ASIC2: variants seen among roughly 807,000 people sequenced by gnomAD.
ASIC2 encodes acid-sensing ion channel 2.
A neutral mutation model predicts 57.3 loss-of-function variants in ASIC2; 25 were observed. That is an observed-to-expected ratio of 0.44 (90% CI 0.32 to 0.61). ASIC2 has a LOEUF of 0.61. ASIC2 is among the 20% of genes least tolerant of loss of function. The probability of loss-of-function intolerance (pLI) is 0.06; values close to 1 mark genes in which losing one functional copy is unlikely to be tolerated. For synonymous variants in ASIC2, 319 were observed against 307.5 expected (o/e 1.04, Z -0.39); for missense variants, 641 against 738.1 (o/e 0.87, Z 1.52).
chr17:33,196,405 C>T (rs1034900626), intron 1 of ASIC2, among the ~76,000 whole-genome samples: 14 of 152,172 alleles, frequency 9.2e-5, no homozygotes, highest in African/African-American at 3.4e-4. Flanking sequence ...CCTCCTTCGG[C>T]CACCAAGAAG....
At chr17:33,281,382 A>C (rs1005974960) in intron 1 of ASIC2, among the ~76,000 whole-genome samples, 1 of 152,224 alleles carries the variant, frequency 6.6e-6, no homozygotes. Context: ...AGGATGATGA[A>C]GATAATAGTG....
chr17:33,971,165 G>A lies in ASIC2; in HGVS notation c.555+184813C>T, dbSNP rs183689811. On this transcript the variant is annotated intron_variant, in intron 1 of 9. Transcript: ENST00000359872. ...TGATTCACAGCCAAATACAGAAGCCGGCTGAGCACAGAATCCAAAGACAGT... is the reference window on the plus strand; with the variant it reads ...TGATTCACAGCCAAATACAGAAGCCAGCTGAGCACAGAATCCAAAGACAGT... Among the ~76,000 whole-genome samples, 171 of 152,306 alleles carry A rather than the reference G, an allele frequency of 1.1e-3. 1 individual carries two copies. In the Middle Eastern group the frequency reaches 0.017, roughly 15 times the overall value.
chr17:33,979,201 C>T (rs536622688), intron 1 of ASIC2, among the ~76,000 whole-genome samples: 1 of 152,260 alleles, frequency 6.6e-6, no homozygotes, highest in East Asian at 1.9e-4. Context: ...CCATCAGAGC[C>T]GTGACCTTGG....
intron 1 of ASIC2, among the ~76,000 whole-genome samples, chr17:33,948,254 A>G (rs1480727952): frequency 1.3e-5 from 2 of 152,196 alleles, no homozygotes; most frequent in Non-Finnish European, 2.9e-5. Flanking sequence ...TGCAAAGACA[A>G]ATCATCTGGA....
intron 1 of ASIC2, among the ~76,000 whole-genome samples, chr17:33,892,158 AT>A (rs1391743088): frequency 6.6e-6 from 1 of 152,226 alleles, no homozygotes; most frequent in African/African-American, 2.4e-5. Flanking sequence ...GTTTGTACTC[AT>A]TTGAGAAATA....
At chr17:33,363,908 C>T (rs1330999516) in intron 1 of ASIC2, among the ~76,000 whole-genome samples, 2 of 152,214 alleles carry the variant, frequency 1.3e-5, no homozygotes, top group Non-Finnish European at 2.9e-5. Flanking sequence ...GCTTTGGGTA[C>T]CACCTGCAGC....
chr17:33,040,460 G>A (rs761979380), intron 3 of ASIC2, among the ~76,000 whole-genome samples: 33 of 152,310 alleles, frequency 2.2e-4, no homozygotes, highest in South Asian at 1.7e-3. Context: ...ACTAAATCAG[G>A]GGTCTGGACC....
chr17:33,293,797 G>C (rs1905608259), upstream of ASIC2, among the ~76,000 whole-genome samples: 4 of 152,088 alleles, frequency 2.6e-5, no homozygotes, highest in Admixed American at 2.6e-4. Context: ...TAGTGTCTAT[G>C]GTGACGTGTA....
At chr17:34,091,680 G>A (rs1910336518) in intron 1 of ASIC2, among the ~76,000 whole-genome samples, 1 of 152,212 alleles carries the variant, frequency 6.6e-6, no homozygotes, top group Non-Finnish European at 1.5e-5. Flanking sequence ...GAACATAACA[G>A]AACAGGTTTA....
intron 4 of ASIC2, among the ~76,000 whole-genome samples, chr17:33,027,358 T>C (rs188024778): frequency 6.6e-6 from 1 of 152,314 alleles, no homozygotes. Flanking sequence ...AGTATAAGGA[T>C]TTAGTTAAGT....
intron 1 of ASIC2, among the ~76,000 whole-genome samples, chr17:33,937,805 T>C (rs963097600): frequency 3.3e-5 from 5 of 152,198 alleles, no homozygotes; most frequent in African/African-American, 1.2e-4. Context: ...TTGTTTGTTT[T>C]CCCCCACTGC....
intron 2 of ASIC2, among the ~76,000 whole-genome samples, chr17:33,098,404 G>A (rs773466688): frequency 3.3e-5 from 5 of 152,144 alleles, no homozygotes; most frequent in Admixed American, 6.5e-5. Flanking sequence ...AAGGAGATCC[G>A]AAATCAGCAC....
intron 1 of ASIC2, among the ~76,000 whole-genome samples, chr17:33,876,706 T>C (rs964200425): frequency 2.6e-5 from 4 of 152,168 alleles, no homozygotes; most frequent in African/African-American, 4.8e-5. Context: ...TCATGCTCAG[T>C]TGGATGGAAA....
chr17:33,857,889 TC>T (rs1434491209), intron 1 of ASIC2, among the ~76,000 whole-genome samples: 2 of 152,232 alleles, frequency 1.3e-5, no homozygotes, highest in African/African-American at 2.4e-5. Context: ...GGATTCTGAT[TC>T]CTGAACAGGA....
intron 1 of ASIC2, among the ~76,000 whole-genome samples, chr17:33,397,583 A>T (rs1910125300): frequency 6.6e-6 from 1 of 150,968 alleles, no homozygotes; most frequent in African/African-American, 2.4e-5. Context: ...AGCTGGTGGC[A>T]GCAGGTTCCT....
intron 1 of ASIC2, among the ~76,000 whole-genome samples, chr17:33,654,831 CA>C (rs1210061845): frequency 1.3e-5 from 2 of 152,150 alleles, no homozygotes; most frequent in Admixed American, 1.3e-4. Flanking sequence ...TTTTCTTGGT[CA>C]AAAAGAAGAT....
intron 1 of ASIC2, among the ~76,000 whole-genome samples, chr17:33,742,712 A>G (rs901815674): frequency 6.6e-6 from 1 of 152,198 alleles, no homozygotes; most frequent in Non-Finnish European, 1.5e-5. Flanking sequence ...AGCTCTCCCC[A>G]GGCATAATGG....
intron 1 of ASIC2, among the ~76,000 whole-genome samples, chr17:33,279,614 C>A (rs1497368): frequency 0.64 from 96,803 of 151,932 alleles, 31,525 homozygotes; most frequent in East Asian, 0.81. Context: ...CCAGTCTGGC[C>A]TGGTGGCTCA....
chr17:33,054,036 T>A (rs1043959033), intron 3 of ASIC2, among the ~76,000 whole-genome samples: 1 of 152,092 alleles, frequency 6.6e-6, no homozygotes, highest in South Asian at 2.1e-4. Context: ...CTCTCCTGTA[T>A]CCCTGCCAGG....
Sources: gnomAD v4.1 joint callset for allele counts (sites outside exome capture counted in the v4.1 genomes callset) on GRCh38, gnomAD v4.1.1 for gene constraint, MANE v1.5 for transcripts, NCBI Gene and HGNC (gene_info 2026-07-23, HGNC 2026-07-21) for gene names.